RGS8: variants seen among roughly 807,000 people sequenced by gnomAD.
RGS8 encodes regulator of G protein signaling 8, also known as regulator of G-protein signaling 8.
RGS8 carries 8 observed loss-of-function variants against 21.7 expected under a neutral mutation model. The observed-to-expected ratio is 0.37, with a 90% CI of 0.22 to 0.66. RGS8 has a LOEUF of 0.66. RGS8 is among the 30% of genes least tolerant of loss of function. RGS8 has a pLI of 0.59. For missense variants in RGS8, 157 were observed against 217.9 expected, an observed-to-expected ratio of 0.72 and a Z score of 1.76; for synonymous variants, 80 against 83.6, an observed-to-expected ratio of 0.96 and a Z score of 0.24.
the RGS8 span, among the ~76,000 whole-genome samples, chr1:182,742,631 C>G: frequency 1.3e-5 from 2 of 152,190 alleles, no homozygotes; most frequent in Non-Finnish European, 2.9e-5. Context: ...CGCAGGCACT[C>G]GGCAAGCTGA....
At chr1:182,648,344 A>G in intron 5 of RGS8, 41 bp from the exon 7 acceptor site, 1 of 1,598,142 alleles carries the variant, frequency 6.3e-7, no homozygotes, top group Non-Finnish European at 8.5e-7. Context: ...GATAGGAAGC[A>G]GCTTAAGTTT....
At chr1:182,692,505 T>G in the RGS8 span, among the ~76,000 whole-genome samples, 1 of 151,902 alleles carries the variant, frequency 6.6e-6, no homozygotes, top group Admixed American at 6.6e-5. Flanking sequence ...CATTCCATGC[T>G]CATGGATAGG....
At chr1:182,704,049 T>C in the RGS8 span, among the ~76,000 whole-genome samples, 3 of 152,360 alleles carry the variant, frequency 2.0e-5, no homozygotes, top group Admixed American at 2.0e-4. Context: ...AATAAAGATT[T>C]CACTATAGCT....
chr1:182,679,967 C>T (rs1165789023), intron 1 of RGS8, among the ~76,000 whole-genome samples: 4 of 152,088 alleles, frequency 2.6e-5, no homozygotes, highest in African/African-American at 4.8e-5. Context: ...CATCTCCTGT[C>T]GACAACCAAT....
the RGS8 span, among the ~76,000 whole-genome samples, chr1:182,740,825 A>G: frequency 1.3e-5 from 2 of 151,548 alleles, no homozygotes; most frequent in African/African-American, 2.4e-5. Flanking sequence ...AATCCATTCA[A>G]CCCTGAGTGG....
chr1:182,656,469 A>G (rs1392910859), intron 5 of RGS8, among the ~76,000 whole-genome samples: 2 of 152,322 alleles, frequency 1.3e-5, no homozygotes, highest in Admixed American at 1.3e-4. Flanking sequence ...CTCTCCCACA[A>G]AACTGATGGC....
At chr1:182,739,211 C>T in the RGS8 span, among the ~76,000 whole-genome samples, 2 of 152,222 alleles carry the variant, frequency 1.3e-5, no homozygotes, top group East Asian at 1.9e-4. Context: ...CTTGGCTTCA[C>T]CTTCTGCTCT....
At chr1:182,743,607 G>C in the RGS8 span, among the ~76,000 whole-genome samples, 1 of 152,180 alleles carries the variant, frequency 6.6e-6, no homozygotes, top group African/African-American at 2.4e-5. Context: ...CTAGCTCTCT[G>C]TCCTTCTTGG....
the RGS8 span, among the ~76,000 whole-genome samples, chr1:182,733,035 A>T: frequency 6.6e-6 from 1 of 152,248 alleles, no homozygotes; most frequent in Non-Finnish European, 1.5e-5. Flanking sequence ...CATAGAGGAA[A>T]CCTGAATACA....
the RGS8 span, among the ~76,000 whole-genome samples, chr1:182,717,548 A>G: frequency 6.6e-6 from 1 of 152,204 alleles, no homozygotes; most frequent in South Asian, 2.1e-4. Context: ...CTTACCTGCA[A>G]TTAAAAGAAC....
In RGS8 at chr1:182,648,119, TC is replaced by T; in HGVS notation, c.360+17del. 1 of 1,583,292 alleles carries T rather than the reference TC, an allele frequency of 6.3e-7. No homozygotes were observed. Among genetic ancestry groups the T allele is most frequent in the Non-Finnish European group, 8.6e-7 (1 of 1,161,392 alleles). ...TAGGAGCCATGGATAGACAGGATGG[TC>T]GCCGCTGCCAACACACCTCCCGTGG... On this transcript the variant is annotated intron_variant, in intron 6 of 6. Coordinates refer to ENST00000483095, the Ensembl canonical transcript of RGS8.
the RGS8 span, among the ~76,000 whole-genome samples, chr1:182,746,450 T>C: frequency 6.6e-6 from 1 of 152,004 alleles, no homozygotes. Context: ...ACAGATCACT[T>C]AAGTCCAGGA....
At chr1:182,722,490 G>A in the RGS8 span, among the ~76,000 whole-genome samples, 1 of 151,878 alleles carries the variant, frequency 6.6e-6, no homozygotes, top group African/African-American at 2.4e-5. Flanking sequence ...GAGGACTCTG[G>A]AGAAAAATCT....
the RGS8 span, among the ~76,000 whole-genome samples, chr1:182,696,715 A>G: frequency 6.6e-6 from 1 of 152,160 alleles, no homozygotes; most frequent in Non-Finnish European, 1.5e-5. Flanking sequence ...CCTTGTAGCT[A>G]TTGCTGTGTA....
At chr1:182,678,686 T>C (rs1360900135) in intron 1 of RGS8, among the ~76,000 whole-genome samples, 3 of 152,154 alleles carry the variant, frequency 2.0e-5, no homozygotes, top group Non-Finnish European at 2.9e-5. Context: ...AGGAGAGAAA[T>C]GATGGCCTGT....
chr1:182,664,714 A>G (rs911906674), intron 5 of RGS8, among the ~76,000 whole-genome samples: 1 of 152,248 alleles, frequency 6.6e-6, no homozygotes, highest in Non-Finnish European at 1.5e-5. Flanking sequence ...TACATATGCT[A>G]TATCTATGCT....
At chr1:182,689,064 T>C (rs1190402067), upstream of RGS8, among the ~76,000 whole-genome samples, 1 of 152,186 alleles carries the variant, frequency 6.6e-6, no homozygotes, top group African/African-American at 2.4e-5. Flanking sequence ...ATAGAGGGGC[T>C]GTTCTTGGTT....
chr1:182,723,289 A>G, the RGS8 span, among the ~76,000 whole-genome samples: 4 of 152,180 alleles, frequency 2.6e-5, no homozygotes, highest in South Asian at 4.1e-4. Context: ...CAGTCCAGCC[A>G]TCAGTGAGGG....
the RGS8 span, among the ~76,000 whole-genome samples, chr1:182,702,913 C>T: frequency 6.6e-6 from 1 of 152,208 alleles, no homozygotes; most frequent in Non-Finnish European, 1.5e-5. Flanking sequence ...GAGAGTAAGT[C>T]ACCTCTCTAA....
Sources: allele counts gnomAD v4.1 joint callset (sites outside exome capture counted in the v4.1 genomes callset), GRCh38; gene constraint gnomAD v4.1.1; transcripts MANE v1.5; gene names NCBI Gene and HGNC (gene_info 2026-07-23, HGNC 2026-07-21).